PCDHGB3: variants seen among roughly 807,000 people sequenced by gnomAD.
PCDHGB3 encodes the protein protocadherin gamma-B3.
A neutral mutation model predicts 59.2 loss-of-function variants in PCDHGB3; 40 were observed. The observed-to-expected ratio is 0.68, with a 90% CI of 0.52 to 0.88. The LOEUF is 0.88. Ranked by LOEUF, PCDHGB3 falls within the 40% of genes least tolerant of loss-of-function variation. PCDHGB3 has a pLI of 0.00. For synonymous variants in PCDHGB3, 581 were observed against 503.6 expected (o/e 1.15, Z -2.06); for missense variants, 1,309 against 1,187.9 (o/e 1.10, Z -1.50).
rs528252306 is a variant in PCDHGB3 at position 141,372,422 on chromosome 5, C to G, written c.2028C>G (p.Ser676Arg). Residue 676 changes from serine (S) to arginine (R), a missense_variant, in exon 1 of 4, where the codon AGC becomes AGG. Physicochemically the swap from Ser to Arg is moderately radical, Grantham distance 110. Coordinates refer to ENST00000576222, the MANE Select transcript of PCDHGB3 (RefSeq NM_018924.5). Reference protein sequence around the residue: ...DSLQEIQPDLSDRPTPSDPQA... With the variant: ...DSLQEIQPDLRDRPTPSDPQA... ...TGCAAGAGATACAACCTGACCTTAG[C>G]GACCGCCCCACTCCCTCTGACCCTC... The G allele has an allele frequency of 2.2e-5, 36 of 1,614,042 alleles. 2 individuals carry two copies. The South Asian group carries it at 3.7e-4, about 17-fold the overall frequency.
rs1456176347 is a variant in PCDHGB3 at position 141,510,961 on chromosome 5, A to G, written c.2578A>G (p.Ser860Gly). 2 of 1,613,986 alleles carry G rather than the reference A, an allele frequency of 1.2e-6. No individual in the cohort carries two copies. Among genetic ancestry groups the G allele is most frequent in the Non-Finnish European group, 1.7e-6 (2 of 1,179,962 alleles). ...TGTCTCTGCAGAAGCTGCTGATGGG[A>G]GCTCCACCCTGGGAGGGGGTGCCGG... is the stretch of plus-strand genomic sequence containing the variant. Reference protein sequence around the residue: ...LASASEAADGSSTLGGGAGTM... With the variant: ...LASASEAADGGSTLGGGAGTM... Residue 860 changes from serine (S) to glycine (G), a missense_variant, in exon 4 of 4, where the codon AGC (serine) becomes GGC (glycine). Physicochemically the swap from Ser to Gly is moderately conservative, Grantham distance 56. Coordinates refer to ENST00000576222, the MANE Select transcript of PCDHGB3 (RefSeq NM_018924.5).
rs1333951046 is a variant in PCDHGB3, at chr5:141,485,847, C to T, written c.2416-8960C>T. 10 of 1,614,092 alleles carry T rather than the reference C, an allele frequency of 6.2e-6. No individual in the cohort carries two copies. In the African/African-American group the frequency reaches 8.0e-5, roughly 13 times the overall value. On this transcript the variant is annotated intron_variant, in intron 1 of 3. Transcript: ENST00000576222. This position sits in a 1 kb window ranked among gnomAD's most constrained non-coding sequence, Gnocchi z 5.7. ...GGAGGGAACCCGCCGAGATCTGGCA[C>T]CGCAGAGCTCCGGGTATCCGTGCTG...
At chr5:141,439,077 C>T (rs978045948) in intron 1 of PCDHGB3, among the ~76,000 whole-genome samples, 1 of 151,492 alleles carries the variant, frequency 6.6e-6, no homozygotes, top group Non-Finnish European at 1.5e-5. Flanking sequence ...CCTGTAATCC[C>T]AGCTACTCAG....
intron 1 of PCDHGB3, among the ~76,000 whole-genome samples, chr5:141,381,798 C>CTCTTCCTTTCTT (rs1777449069): frequency 6.9e-6 from 1 of 144,134 alleles, no homozygotes; most frequent in African/African-American, 2.7e-5. Flanking sequence ...AGGCAATTCC[C>CTCTTCCTTTCTT]TCTTTCTTTC....
chr5:141,483,892 A>C (rs1463395859), intron 1 of PCDHGB3, among the ~76,000 whole-genome samples: 1 of 151,652 alleles, frequency 6.6e-6, no homozygotes, highest in Non-Finnish European at 1.5e-5. Flanking sequence ...TATTTCTCTG[A>C]GCTCTGGTGT....
In PCDHGB3 at chr5:141,409,436, C is replaced by T. The variant is rs368696166; in HGVS notation, c.2415+36627C>T. Reference sequence around the variant, plus strand: ...ACTGGTGACAGATGGAGCCCTGGACCGAGAGCAGACACCAGAATACAATGT... The same window carrying T: ...ACTGGTGACAGATGGAGCCCTGGACTGAGAGCAGACACCAGAATACAATGT... On this transcript the variant is annotated intron_variant, in intron 1 of 3. Transcript: ENST00000576222. 6 of 1,613,864 alleles carry T rather than the reference C, an allele frequency of 3.7e-6. 1 individual carries two copies. The highest frequency in any genetic ancestry group is 5.1e-6 in the Non-Finnish European group (6 of 1,179,900).
At chr5:141,410,821 C>A in intron 1 of PCDHGB3, 1 of 441,370 alleles carries the variant, frequency 2.3e-6, no homozygotes, top group Non-Finnish European at 3.8e-6. Context: ...AAAATAATGT[C>A]ACCAGACTGA....
Position 141,371,563 on chromosome 5 carries a change from T to TC in PCDHGB3, c.1173dup (p.Phe392LeufsTer2). The TC allele has an allele frequency of 6.2e-7, 1 of 1,613,806 alleles. No homozygotes were observed. Among genetic ancestry groups the TC allele is most frequent in the Non-Finnish European group, 8.5e-7 (1 of 1,179,812 alleles). ...ATCCTATGCCAACTAAAAGGAAACTTCCCCTTTAAAATCGTTCAAGATACC... is the reference window on the plus strand; with the variant it reads ...ATCCTATGCCAACTAAAAGGAAACTTCCCCCTTTAAAATCGTTCAAGATACC... On this transcript the variant is annotated frameshift_variant, in exon 1 of 4. Transcript: ENST00000576222. LOFTEE classifies it high-confidence loss of function.
rs551220443 is a variant in PCDHGB3, at chr5:141,432,206, G to A, written c.2415+59397G>A. On this transcript the variant is annotated intron_variant, in intron 1 of 3. Transcript: ENST00000576222. The surrounding 1 kb of genome is among the most constrained non-coding windows in gnomAD (Gnocchi z 6.0). ...GACCGCCCACGACCCCGACTGTGAA[G>A]AGAACGCCCAGATCACTTATTCCCT... The A allele has an allele frequency of 6.2e-7, 1 of 1,614,096 alleles. No individual in the cohort carries two copies. Among genetic ancestry groups the A allele is most frequent in the Non-Finnish European group, 8.5e-7 (1 of 1,180,042 alleles).
Position 141,392,866 on chromosome 5 carries a change from C to T in PCDHGB3, c.2415+20057C>T, listed in dbSNP as rs1000509941. The stretch of plus-strand genomic sequence containing the variant: ...CGCGGCGAGCTGATCCTGCTGTGCG[C>T]GCTGCTGGGAACGCTGTGGGAAATC... On this transcript the variant is annotated intron_variant, in intron 1 of 3. Transcript: ENST00000576222. 7 of 1,612,962 alleles carry T rather than the reference C, an allele frequency of 4.3e-6. No individual in the cohort carries two copies. The highest frequency in any genetic ancestry group is 3.3e-4 in the Middle Eastern group (2 of 6,060).
rs769232324 is a variant in PCDHGB3, at chr5:141,423,034, G to T, written c.2415+50225G>T. 4 of 1,614,082 alleles carry T rather than the reference G, an allele frequency of 2.5e-6. No individual in the cohort carries two copies. In the African/African-American group the frequency reaches 4.0e-5, roughly 16 times the overall value. On this transcript the variant is annotated intron_variant, in intron 1 of 3. Coordinates refer to ENST00000576222, the MANE Select transcript of PCDHGB3 (RefSeq NM_018924.5). ...GGTGGACAAAGATTCAGGCCAGAAC[G>T]CCTGGCTGTCCTATCGCCTGCTTAA...
At chr5:141,508,896 C>A (rs1171693212) in intron 3 of PCDHGB3, among the ~76,000 whole-genome samples, 1 of 151,862 alleles carries the variant, frequency 6.6e-6, no homozygotes, top group Non-Finnish European at 1.5e-5. Context: ...GGGGAGGGGG[C>A]GGGGCGGTGG....
At chr5:141,394,285 T>C (rs1463926417) in intron 1 of PCDHGB3, 2 of 1,613,942 alleles carry the variant, frequency 1.2e-6, no homozygotes, top group Admixed American at 1.7e-5. Context: ...ACTTACTCTG[T>C]GACCGAGGAC....
chr5:141,455,738 A>G (rs896060095), intron 1 of PCDHGB3, among the ~76,000 whole-genome samples: 2 of 152,140 alleles, frequency 1.3e-5, no homozygotes, highest in Non-Finnish European at 2.9e-5. Flanking sequence ...TTGCATATCA[A>G]AGGTTGCTGG....
intron 1 of PCDHGB3, chr5:141,420,985 C>T (rs1371634966): frequency 4.1e-6 from 2 of 487,950 alleles, no homozygotes; most frequent in African/African-American, 4.0e-5. Flanking sequence ...GGGCTCTAGG[C>T]GCCGCTGCTC....
chr5:141,374,339 A>C, intron 1 of PCDHGB3: 1 of 1,614,006 alleles, frequency 6.2e-7, no homozygotes, highest in Non-Finnish European at 8.5e-7. Context: ...CAGCTTGGTC[A>C]CCGCGGGTAG....
At chr5:141,403,121 C>G in intron 1 of PCDHGB3, 1 of 1,614,046 alleles carries the variant, frequency 6.2e-7, no homozygotes, top group South Asian at 1.1e-5. Flanking sequence ...TCTGGAGCCC[C>G]GGGAGCTGGC....
At chr5:141,395,140 C>T in intron 1 of PCDHGB3, 1 of 1,614,212 alleles carries the variant, frequency 6.2e-7, no homozygotes, top group Non-Finnish European at 8.5e-7. Flanking sequence ...CCCAACTACG[C>T]AGACATGCTC....
chr5:141,389,331 G>A (rs1212558688), intron 1 of PCDHGB3: 15 of 1,613,986 alleles, frequency 9.3e-6, no homozygotes, highest in Middle Eastern at 1.6e-4. Context: ...GGGGCCCAAC[G>A]GCCAAGTCTC....
Sources: gnomAD v4.1 joint callset for allele counts (sites outside exome capture counted in the v4.1 genomes callset) on GRCh38, gnomAD v4.1.1 for gene constraint, Gnocchi (gnomAD v3.1) non-coding constraint, MANE v1.5 for transcripts, NCBI Gene and HGNC (gene_info 2026-07-23, HGNC 2026-07-21) for gene names.